SLC35F3: variants seen among roughly 807,000 people sequenced by gnomAD.
SLC35F3 encodes the protein solute carrier family 35 member F3.
In SLC35F3, 25 loss-of-function variants were observed where a neutral mutation model predicts 49.9. The observed-to-expected ratio is 0.50, with a 90% CI of 0.37 to 0.70. The LOEUF (loss-of-function observed/expected upper bound fraction) is 0.70. Ranked by LOEUF, SLC35F3 falls within the 30% of genes least tolerant of loss-of-function variation. The pLI, the probability that SLC35F3 is intolerant of heterozygous loss-of-function variation, is 0.00. For missense variants in SLC35F3, 525 were observed against 639.8 expected (o/e 0.82, Z 1.94); for synonymous variants, 275 against 265.4 (o/e 1.04, Z -0.35).
chr1:234,095,488 T>C (rs1665102561), intron 2 of SLC35F3, among the ~76,000 whole-genome samples: 1 of 152,188 alleles, frequency 6.6e-6, no homozygotes, highest in Non-Finnish European at 1.5e-5. Flanking sequence ...TCAAGAGAAG[T>C]GATGTGACTG....
At chr1:234,221,336 A>G (rs1335020069) in intron 2 of SLC35F3, among the ~76,000 whole-genome samples, 3 of 152,200 alleles carry the variant, frequency 2.0e-5, no homozygotes, top group African/African-American at 7.2e-5. Flanking sequence ...TTGCCCCGAA[A>G]GAAAGATGAT....
At chr1:233,988,725 T>C (rs1245135878) in intron 2 of SLC35F3, among the ~76,000 whole-genome samples, 1 of 152,234 alleles carries the variant, frequency 6.6e-6, no homozygotes, top group Non-Finnish European at 1.5e-5. Context: ...TTTCTCCCAT[T>C]TTCTCTGTTC....
intron 3 of SLC35F3, among the ~76,000 whole-genome samples, chr1:234,301,284 A>G (rs1395311477): frequency 6.6e-6 from 1 of 152,224 alleles, no homozygotes; most frequent in Non-Finnish European, 1.5e-5. Flanking sequence ...GTGGTATTGC[A>G]ATCTACCCAT....
chr1:234,023,398 C>T (rs1125166), intron 2 of SLC35F3, among the ~76,000 whole-genome samples: 100,914 of 152,024 alleles, frequency 0.66, 33,721 homozygotes, highest in African/African-American at 0.69. Context: ...TCCCAGTGGC[C>T]GAAGCTGGAA....
chr1:233,976,817 G>A (rs898785391), intron 2 of SLC35F3, among the ~76,000 whole-genome samples: 2 of 152,112 alleles, frequency 1.3e-5, no homozygotes, highest in African/African-American at 4.8e-5. Context: ...CACCATGTTC[G>A]TAAGGCTGGT....
intron 2 of SLC35F3, among the ~76,000 whole-genome samples, chr1:234,045,712 T>G (rs1001555673): frequency 5.1e-5 from 7 of 137,650 alleles, no homozygotes; most frequent in African/African-American, 1.9e-4. Flanking sequence ...CATTTTAAGG[T>G]TTTTTTTTTT....
chr1:234,140,807 C>T (rs551881901), intron 2 of SLC35F3, among the ~76,000 whole-genome samples: 1 of 152,298 alleles, frequency 6.6e-6, no homozygotes, highest in East Asian at 1.9e-4. Context: ...AAGAGGCTGA[C>T]CCTGTTTATC....
chr1:234,317,399 C>T (rs1043610556), intron 5 of SLC35F3, among the ~76,000 whole-genome samples: 5 of 151,214 alleles, frequency 3.3e-5, no homozygotes, highest in Admixed American at 2.0e-4. Flanking sequence ...CTTCCCTTCT[C>T]CTCCTCTCTC....
chr1:233,998,004 G>T (rs1289460474), intron 2 of SLC35F3, among the ~76,000 whole-genome samples: 1 of 151,988 alleles, frequency 6.6e-6, no homozygotes, highest in African/African-American at 2.4e-5. Flanking sequence ...CACCCACCTC[G>T]GCCTCCCAAA....
intron 2 of SLC35F3, among the ~76,000 whole-genome samples, chr1:234,118,995 C>G (rs1665534557): frequency 6.6e-6 from 1 of 151,398 alleles, no homozygotes; most frequent in Non-Finnish European, 1.5e-5. Context: ...TATTAGTTGG[C>G]TTTGCTGCAG....
chr1:234,037,977 T>G (rs1409397303), intron 2 of SLC35F3, among the ~76,000 whole-genome samples: 1 of 151,790 alleles, frequency 6.6e-6, no homozygotes, highest in African/African-American at 2.4e-5. Flanking sequence ...TTTATTATTA[T>G]TATACTTTAA....
chr1:234,206,767 G>C (rs1256102989), intron 2 of SLC35F3, among the ~76,000 whole-genome samples: 1 of 152,156 alleles, frequency 6.6e-6, no homozygotes, highest in African/African-American at 2.4e-5. Context: ...TTCGCAGTGC[G>C]TAGGAGACCC....
intron 2 of SLC35F3, among the ~76,000 whole-genome samples, chr1:233,936,196 G>C (rs555886733): frequency 6.6e-6 from 1 of 152,054 alleles, no homozygotes; most frequent in Non-Finnish European, 1.5e-5. Flanking sequence ...AGTAGCCATG[G>C]CCCCCCCAGG....
chr1:234,155,413 T>G (rs889046406), intron 2 of SLC35F3, among the ~76,000 whole-genome samples: 1 of 113,042 alleles, frequency 8.8e-6, no homozygotes, highest in African/African-American at 3.9e-5. Flanking sequence ...TTATTATTAT[T>G]ATTATTATTT....
chr1:233,946,226 T>G (rs1477639131), intron 2 of SLC35F3, among the ~76,000 whole-genome samples: 2 of 152,224 alleles, frequency 1.3e-5, no homozygotes, highest in Admixed American at 1.3e-4. Flanking sequence ...TGAAGGGCAC[T>G]GAAGATGCTG....
At chr1:234,194,749 T>A (rs1179120981) in intron 2 of SLC35F3, among the ~76,000 whole-genome samples, 1 of 152,136 alleles carries the variant, frequency 6.6e-6, no homozygotes, top group African/African-American at 2.4e-5. Flanking sequence ...TCTTCTACAG[T>A]GATATTGGAG....
At chr1:234,072,632 G>T (rs910858033) in intron 2 of SLC35F3, among the ~76,000 whole-genome samples, 6 of 152,174 alleles carry the variant, frequency 3.9e-5, no homozygotes, top group East Asian at 1.9e-4. Context: ...AGAAAGGGGT[G>T]GGGGGCTGTG....
chr1:234,127,030 A>G (rs1227451530), intron 2 of SLC35F3, among the ~76,000 whole-genome samples: 6 of 152,180 alleles, frequency 3.9e-5, no homozygotes, highest in Admixed American at 3.3e-4. Flanking sequence ...AATGCTATAT[A>G]AGTAAAATCC....
intron 1 of SLC35F3, 123 bp downstream of exon 1, chr1:233,905,253 G>GAGCT: frequency 1.9e-6 from 2 of 1,065,862 alleles, no homozygotes; most frequent in Non-Finnish European, 2.7e-6. Flanking sequence ...GCGCGCGGTG[G>GAGCT]AGCTGCTCGG....
Sources: allele counts gnomAD v4.1 joint callset (sites outside exome capture counted in the v4.1 genomes callset), GRCh38; gene constraint gnomAD v4.1.1; transcripts MANE v1.5; gene names NCBI Gene and HGNC (gene_info 2026-07-23, HGNC 2026-07-21).